The following GUCA1A variants were observed in gnomAD, a reference collection of about 807,000 sequenced individuals.
GUCA1A encodes the protein guanylate cyclase activator 1A.
In GUCA1A, 14 loss-of-function variants were observed where a neutral mutation model predicts 18.5. The observed-to-expected ratio is 0.76, with a 90% CI of 0.50 to 1.18. The LOEUF (loss-of-function observed/expected upper bound fraction) is 1.18, where lower values mean the gene tolerates loss of function less well. Ranked by LOEUF, GUCA1A falls within the 50% of genes most tolerant of loss-of-function variation. The pLI, the probability that GUCA1A is intolerant of heterozygous loss-of-function variation, is 0.00. For synonymous variants in GUCA1A, 97 were observed against 100.2 expected, an observed-to-expected ratio of 0.97 and a Z score of 0.19; for missense variants, 264 against 262.4, an observed-to-expected ratio of 1.01 and a Z score of -0.04.
In GUCA1A at chr6:42,179,495, A is replaced by G; in HGVS notation, c.*92A>G. On this transcript the variant is annotated 3_prime_UTR_variant, in exon 4 of 4. Transcript: ENST00000372958. ...TTGTCTTAACCCTAGATAGAATCTA[A>G]TGAACTCAGAGGCTTAGCTCGCCTC... 9.0e-7 allele frequency: 1 copy of G among 1,115,060 alleles called. No individual in the cohort carries two copies. The highest frequency in any genetic ancestry group is 2.6e-5 in the East Asian group (1 of 38,512). 69.1% of individuals were successfully genotyped at this position (1,115,060 alleles called of 1,614,324 possible). A position where few individuals can be genotyped will look rare whatever the true frequency, so the allele number is the denominator to read the frequency against.
rs749581645 is a variant in GUCA1A at position 42,173,826 on chromosome 6, C to T, written c.201+12C>T. 22 of 1,602,970 alleles carry T rather than the reference C, an allele frequency of 1.4e-5. No individual in the cohort carries two copies. The East Asian group carries it at 4.5e-4, about 33-fold the overall frequency. The stretch of plus-strand genomic sequence containing the variant: ...TTGACTTCAACAAGGTGAGCAGGGG[C>T]CCAGTGGCAGGGAGGGGAAGTGCTG... On this transcript the variant is annotated intron_variant, in intron 1 of 3. Transcript: ENST00000372958.
In GUCA1A at chr6:42,179,479, C is replaced by CTA; in HGVS notation, c.*76_*77insTA. On this transcript the variant is annotated 3_prime_UTR_variant, in exon 4 of 4. Transcript: ENST00000372958. ...CCTGTTGGTGGTGTTCTTGTCTTAACCCTAGATAGAATCTAATGAACTCAG... is the reference window on the plus strand; with the variant it reads ...CCTGTTGGTGGTGTTCTTGTCTTAACTACCTAGATAGAATCTAATGAACTCAG... The CTA allele has an allele frequency of 8.1e-7, 1 of 1,240,674 alleles. No homozygotes were observed. The highest frequency in any genetic ancestry group is 1.5e-5 in the African/African-American group (1 of 66,170). 76.9% of individuals were successfully genotyped at this position (1,240,674 alleles called of 1,614,324 possible).
At chr6:42,178,770 C>G (rs368401254) in intron 2 of GUCA1A, 32 bp from the exon 3 acceptor site, 27 of 1,486,026 alleles carry the variant, frequency 1.8e-5, no homozygotes, top group Non-Finnish European at 2.5e-5. Context: ...AAGGATGGGC[C>G]CCTCTCACTT....
rs372194489 is a variant in GUCA1A, at chr6:42,173,590, G to A, written c.-24G>A. 102 of 1,600,190 alleles carry A rather than the reference G, an allele frequency of 6.4e-5. No homozygotes were observed. Among genetic ancestry groups the A allele is most frequent in the African/African-American group, 2.8e-4 (21 of 74,630 alleles). On this transcript the variant is annotated 5_prime_UTR_variant, in exon 1 of 4. Transcript: ENST00000372958. ...CGAACAGGGCCTGTCCATCTCAGAC[G>A]TCAGCCCCCTGAAGGCCTGAGCAAT...
intron 3 of GUCA1A, 23 bp from the exon 4 acceptor site, chr6:42,179,220 G>C (rs1217163255): frequency 1.2e-5 from 20 of 1,610,470 alleles, no homozygotes; most frequent in Non-Finnish European, 1.5e-5. Context: ...TCCTCCCCCT[G>C]ATTCCCTTTC....
chr6:42,178,865 GTGT>G lies in GUCA1A; in HGVS notation c.417_419del (p.Phe140del). On this transcript the variant is annotated inframe_deletion, in exon 3 of 4. Transcript: ENST00000372958. ...GACTGCAGAGGAGTTCACCGATACA[GTGT>G]TCTCCAAGATTGACGTCAACGGGGA... The G allele has an allele frequency of 6.2e-7, 1 of 1,613,864 alleles. No individual in the cohort carries two copies. The highest frequency in any genetic ancestry group is 8.5e-7 in the Non-Finnish European group (1 of 1,179,718).
intron 1 of GUCA1A, 33 bp downstream of exon 1, chr6:42,173,847 T>C: frequency 1.3e-6 from 2 of 1,529,276 alleles, no homozygotes; most frequent in Non-Finnish European, 1.8e-6. Context: ...GGAGGGGAAG[T>C]GCTGGAGGGA....
chr6:42,178,140 A>C (rs1463789067), intron 1 of GUCA1A, 140 bp from the exon 2 acceptor site: 1 of 989,284 alleles, frequency 1.0e-6, no homozygotes, highest in African/African-American at 1.6e-5. Flanking sequence ...CCCTCGCTGC[A>C]TCTCCGAGGG....
At chr6:42,178,621 C>T (rs1356219094) in intron 2 of GUCA1A, 181 bp from the exon 3 acceptor site, 2 of 812,472 alleles carry the variant, frequency 2.5e-6, no homozygotes, top group Admixed American at 3.5e-5. Context: ...GTTTCCTCAT[C>T]AATACCAAAA....
At chr6:42,176,124 C>T (rs912200568) in intron 1 of GUCA1A, among the ~76,000 whole-genome samples, 1 of 152,124 alleles carries the variant, frequency 6.6e-6, no homozygotes, top group Non-Finnish European at 1.5e-5. Flanking sequence ...ATCCCTGGTT[C>T]CTAGAACAGT....
At position 42,180,003 on chromosome 6, in the gene GUCA1A, G is replaced by T. The variant is rs1768076272; in HGVS notation, c.*600G>T. On this transcript the variant is annotated 3_prime_UTR_variant, in exon 4 of 4. Transcript: ENST00000372958. The stretch of plus-strand genomic sequence containing the variant: ...GTTTTCATCCTCTAGGAACTCATAG[G>T]CTAATGGTGAGACACACAGACAAAC... 6.6e-6 allele frequency: 1 copy of T among 152,200 alleles called. No individual in the cohort carries two copies. The highest frequency in any genetic ancestry group is 6.5e-5 in the Admixed American group (1 of 15,280). The allele number at this position is 152,200 out of a possible 1,614,324, so 9.4% of individuals were successfully genotyped here.
At chr6:42,178,219 G>T in intron 1 of GUCA1A, 61 bp from the exon 2 acceptor site, 1 of 1,592,936 alleles carries the variant, frequency 6.3e-7, no homozygotes. Flanking sequence ...TGATGGGCGG[G>T]GCCTGAGGCT....
intron 1 of GUCA1A, among the ~76,000 whole-genome samples, chr6:42,174,969 T>A: frequency 6.6e-6 from 1 of 152,178 alleles, no homozygotes; most frequent in East Asian, 1.9e-4. Context: ...TATTTAAGGA[T>A]AAGGGACCAA....
chr6:42,178,950 C>A, intron 3 of GUCA1A, 55 bp downstream of exon 3: 1 of 1,332,054 alleles, frequency 7.5e-7, no homozygotes. Context: ...GATGTGGGGT[C>A]ACCAGGGGTG....
At chr6:42,177,358 G>A (rs896571938) in intron 1 of GUCA1A, among the ~76,000 whole-genome samples, 2 of 152,094 alleles carry the variant, frequency 1.3e-5, no homozygotes, top group Admixed American at 1.3e-4. Context: ...TCCATGGAGA[G>A]CACTAAGAAA....
In GUCA1A at chr6:42,178,861, T is replaced by C. The variant is rs1326379483; in HGVS notation, c.411T>C (p.Asp137=). 1.9e-6 allele frequency: 3 copies of C among 1,613,656 alleles called. No homozygotes were observed. The highest frequency in any genetic ancestry group is 2.2e-5 in the East Asian group (1 of 44,858). Residue 137 remains aspartate (D), a synonymous_variant, in exon 3 of 4, where the codon GAT becomes GAC. Coordinates refer to ENST00000372958, the MANE Select transcript of GUCA1A (RefSeq NM_001384910.1). ...CCATGACTGCAGAGGAGTTCACCGATACAGTGTTCTCCAAGATTGACGTCA... is the reference window on the plus strand; with the variant it reads ...CCATGACTGCAGAGGAGTTCACCGACACAGTGTTCTCCAAGATTGACGTCA... ...DTTMTAEEFT[D]TVFSKIDVNG... is the part of the protein sequence containing the mutation.
At position 42,173,544 on chromosome 6, in the gene GUCA1A, A is replaced by T; in HGVS notation, c.-70A>T. On this transcript the variant is annotated 5_prime_UTR_variant, in exon 1 of 4. Transcript: ENST00000372958. ...GAGGACGGCCCCGTTGTCGGCCAAG[A>T]CACCTTTGGGCGAGGAGCAGCGAAC... 7.6e-7 allele frequency: 1 copy of T among 1,313,068 alleles called. No homozygotes were observed. The highest frequency in any genetic ancestry group is 1.1e-6 in the Non-Finnish European group (1 of 908,676). 81.3% of individuals were successfully genotyped at this position (1,313,068 alleles called of 1,614,324 possible).
chr6:42,174,420 C>T (rs765140335), intron 1 of GUCA1A, among the ~76,000 whole-genome samples: 5 of 152,206 alleles, frequency 3.3e-5, no homozygotes, highest in Admixed American at 6.5e-5. Flanking sequence ...ACCCAGAATG[C>T]TCCCAACTTC....
At chr6:42,175,625 A>C (rs1177631538) in intron 1 of GUCA1A, among the ~76,000 whole-genome samples, 1 of 152,140 alleles carries the variant, frequency 6.6e-6, no homozygotes, top group Non-Finnish European at 1.5e-5. Context: ...TCGGCCTCCC[A>C]TAGTGCTGGG....
Sources: allele counts gnomAD v4.1 joint callset (sites outside exome capture counted in the v4.1 genomes callset), GRCh38; gene constraint gnomAD v4.1.1; transcripts MANE v1.5; gene names NCBI Gene and HGNC (gene_info 2026-07-23, HGNC 2026-07-21).